The following LINC00632 variants were observed in gnomAD, a reference collection of about 807,000 sequenced individuals.
LINC00632 encodes ALDOA related specific transcript.
exon 5 of LINC00632, among the ~76,000 whole-genome samples, chrX:140,789,001 C>T (rs1367724413): frequency 1.9e-5 from 2 of 106,126 alleles, no homozygotes; most frequent in Non-Finnish European, 3.9e-5. Flanking sequence ...TAAAAAAAAG[C>T]AGTAGTGTAT....
chrX:140,778,619 A>G (rs1192664326), exon 5 of LINC00632, among the ~76,000 whole-genome samples: 2 of 84,398 alleles, frequency 2.4e-5, no homozygotes, highest in Non-Finnish European at 4.3e-5. Context: ...ACAAACAAAG[A>G]AAAAAAAAAA....
chrX:140,773,325 G>A (rs950306116), exon 4 of LINC00632, among the ~76,000 whole-genome samples: 2 of 112,217 alleles, frequency 1.8e-5, no homozygotes, highest in African/African-American at 3.3e-5. Flanking sequence ...TGAAGAAGAC[G>A]ATTGAGGACA....
At chrX:140,742,869 G>A (rs746245120) in intron 3 of LINC00632, among the ~76,000 whole-genome samples, 1,012 of 95,888 alleles carry the variant, frequency 0.011, 23 homozygotes, top group African/African-American at 0.04. Context: ...GAGAGAGAGA[G>A]AGAGAGAGAG....
At chrX:140,778,536 C>T (rs1199474554) in exon 5 of LINC00632, among the ~76,000 whole-genome samples, 2 of 106,849 alleles carry the variant, frequency 1.9e-5, no homozygotes, top group Non-Finnish European at 3.8e-5. Context: ...ACCTGGGAGG[C>T]GGAGGTTGCA....
chrX:140,752,645 T>C (rs1931427328), intron 3 of LINC00632, among the ~76,000 whole-genome samples: 1 of 112,323 alleles, frequency 8.9e-6, no homozygotes, highest in African/African-American at 3.2e-5. Context: ...CTCACCACTG[T>C]GCAATTAAAG....
exon 4 of LINC00632, chrX:140,772,338 C>A: frequency 3.4e-6 from 1 of 296,408 alleles, no homozygotes; most frequent in African/African-American, 2.7e-5. Flanking sequence ...TGATCACACA[C>A]GTGTTGTCAT....
intron 1 of LINC00632, among the ~76,000 whole-genome samples, chrX:140,710,944 G>A (rs915154609): frequency 3.6e-5 from 4 of 111,224 alleles, no homozygotes; most frequent in African/African-American, 1.3e-4. Context: ...AGTGACTGAC[G>A]CATCCAGGGA....
chrX:140,775,892 G>A (rs974448935), exon 5 of LINC00632, among the ~76,000 whole-genome samples: 3 of 110,245 alleles, frequency 2.7e-5, no homozygotes, highest in Admixed American at 1.9e-4. Flanking sequence ...TCCTCAATCT[G>A]TGAACTATAT....
rs1379913429 is a variant in LINC00632, at chrX:140,762,232, A to AGG, written n.192-9845_192-9844insGG. 1.1e-3 allele frequency among the ~76,000 whole-genome samples: 114 copies of AGG among 107,385 alleles called. 1 individual carries two copies. Among genetic ancestry groups the AGG allele is most frequent in the South Asian group, 8.9e-3 (21 of 2,361 alleles). The allele number at this position is 107,385 out of a possible 115,157, so 93.3% of individuals were successfully genotyped here. A position where few individuals can be genotyped will look rare whatever the true frequency, so the allele number is the denominator to read the frequency against. On this transcript the variant is annotated intron_variant and non_coding_transcript_variant, in intron 3 of 4. Transcript: ENST00000648200. ...AAAAGAGAGAGAGAGAGAGAGAGAG[A>AGG]GAGAGAGAGAGCACTCTTATCTTTC...
chrX:140,790,555 T>C (rs1162800078), exon 5 of LINC00632, among the ~76,000 whole-genome samples: 1 of 111,045 alleles, frequency 9.0e-6, no homozygotes, highest in Non-Finnish European at 1.9e-5. Flanking sequence ...TTTTTCCAGA[T>C]TAATTTTAAA....
chrX:140,724,681 TACACACACAGACACATCCAGTACAC>T (rs1569348859), intron 2 of LINC00632, among the ~76,000 whole-genome samples: 3 of 56,908 alleles, frequency 5.3e-5, no homozygotes, highest in South Asian at 1.7e-3. Context: ...ACACATTCCA[TACACACACAGACACATCCAGTACAC>T]ACACACACAG....
exon 5 of LINC00632, among the ~76,000 whole-genome samples, chrX:140,787,569 A>AATT (rs1267655204): frequency 9.0e-6 from 1 of 111,105 alleles, no homozygotes; most frequent in Admixed American, 9.6e-5. Flanking sequence ...ACTTAGGATA[A>AATT]ATTTCTAAAA....
intron 3 of LINC00632, among the ~76,000 whole-genome samples, chrX:140,763,592 G>A (rs1020881271): frequency 3.6e-5 from 4 of 110,917 alleles, no homozygotes; most frequent in East Asian, 5.7e-4. Context: ...TGTACTGACC[G>A]ATCCTCATTT....
rs112849182 is a variant in LINC00632 at position 140,773,994 on chromosome X, G to T, written n.2108G>T. The stretch of plus-strand genomic sequence containing the variant: ...AGTCTGGCAGAAATTTTGGAATGAG[G>T]TTGTGACTGATTTGGAAGGTTTCCT... On this transcript the variant is annotated non_coding_transcript_exon_variant, in exon 4 of 5. Transcript: ENST00000648200. Among the ~76,000 whole-genome samples the T allele has an allele frequency of 3.4e-3, 382 of 112,446 alleles. 1 individual carries two copies. The highest frequency in any genetic ancestry group is 0.012 in the African/African-American group (363 of 30,947).
intron 3 of LINC00632, among the ~76,000 whole-genome samples, chrX:140,764,230 T>C (rs1468194037): frequency 7.3e-5 from 8 of 110,100 alleles, no homozygotes; most frequent in Middle Eastern, 4.2e-3. Context: ...GTTTTAAGAT[T>C]TGACGCCCTT....
intron 2 of LINC00632, among the ~76,000 whole-genome samples, chrX:140,715,245 A>C (rs1347156990): frequency 9.0e-6 from 1 of 111,677 alleles, no homozygotes; most frequent in African/African-American, 3.3e-5. Flanking sequence ...ATAACACTCT[A>C]AGCCCACAGT....
intron 3 of LINC00632, among the ~76,000 whole-genome samples, chrX:140,742,892 GAAGGA>G (rs1556024008): frequency 1.0e-5 from 1 of 99,538 alleles, no homozygotes; most frequent in South Asian, 5.2e-4. Flanking sequence ...AGGAAGGAAG[GAAGGA>G]AAGGAAAGGA....
At chrX:140,756,531 C>T (rs747468905) in intron 3 of LINC00632, among the ~76,000 whole-genome samples, 110 of 111,407 alleles carry the variant, frequency 9.9e-4, no homozygotes, top group Non-Finnish European at 7.5e-4. Flanking sequence ...GCAAGTGTAT[C>T]GGGACGGAGT....
chrX:140,758,601 C>A (rs1407673241), intron 3 of LINC00632, among the ~76,000 whole-genome samples: 1 of 111,811 alleles, frequency 8.9e-6, no homozygotes, highest in Non-Finnish European at 1.9e-5. Context: ...TGGTCTCGAA[C>A]TCCTGACCTC....
Sources: allele counts gnomAD v4.1 joint callset (sites outside exome capture counted in the v4.1 genomes callset), GRCh38; gene constraint gnomAD v4.1.1; transcripts MANE v1.5; gene names NCBI Gene and HGNC (gene_info 2026-07-23, HGNC 2026-07-21).